Variants in TMEM170B observed in about 807,000 individuals in gnomAD.
The protein encoded by TMEM170B is transmembrane protein 170B.
A neutral mutation model predicts 13.0 loss-of-function variants in TMEM170B; 6 were observed. That is an observed-to-expected ratio of 0.46 (90% CI 0.25 to 0.91). The LOEUF is 0.91. Among genes scored for constraint, TMEM170B ranks in the 40% least tolerant of loss-of-function variants. The pLI, the probability that TMEM170B is intolerant of heterozygous loss-of-function variation, is 0.17. For missense variants in TMEM170B, 138 were observed against 165.2 expected (o/e 0.84, Z 0.90); for synonymous variants, 61 against 64.9 (o/e 0.94, Z 0.29).
Position 11,575,546 on chromosome 6 carries a change from C to G in TMEM170B, c.384C>G (p.Ile128Met), listed in dbSNP as rs1265901116. The change falls in exon 3 of 3, where the codon ATC becomes ATG. Residue 128 changes from isoleucine (I) to methionine (M), a missense_variant. Ile to Met is a conservative substitution (Grantham distance 10). Transcript: ENST00000379426. The surrounding 1 kb of genome is among the most constrained non-coding windows in gnomAD (Gnocchi z 4.1). ...CATTAATCATCTCCTTTTCAAGGAT[C>G]CTCGCTACACTTTGAGGTTTCTGTG... ...VLTLIISFSR[I>M]LATL 1 of 1,613,036 alleles carries G rather than the reference C, an allele frequency of 6.2e-7. No homozygotes were observed. Among genetic ancestry groups the G allele is most frequent in the African/African-American group, 1.3e-5 (1 of 74,956 alleles).
Position 11,580,500 on chromosome 6 carries a change from G to T in TMEM170B, c.*4939G>T, listed in dbSNP as rs1019656674. The T allele has an allele frequency of 6.6e-6, 1 of 152,116 alleles. No homozygotes were observed. Among genetic ancestry groups the T allele is most frequent in the African/African-American group, 2.4e-5 (1 of 41,412 alleles). The allele number at this position is 152,116 out of a possible 1,614,324, so 9.4% of individuals were successfully genotyped here. On this transcript the variant is annotated 3_prime_UTR_variant, in exon 3 of 3. Coordinates refer to ENST00000379426, the MANE Select transcript of TMEM170B (RefSeq NM_001100829.3). Reference sequence around the variant, plus strand: ...TTTGTTTTTAAGATGTGAGGGACGAGGAAAATTACTGAAGAAATTCTAGCA... The same window carrying T: ...TTTGTTTTTAAGATGTGAGGGACGATGAAAATTACTGAAGAAATTCTAGCA...
intron 1 of TMEM170B, among the ~76,000 whole-genome samples, chr6:11,540,950 A>C (rs1759351607): frequency 6.6e-6 from 1 of 152,228 alleles, no homozygotes; most frequent in Admixed American, 6.5e-5. Flanking sequence ...TCATTGAAGA[A>C]AATACTCATT....
chr6:11,568,090 G>A (rs1214206441), intron 2 of TMEM170B, among the ~76,000 whole-genome samples: 2 of 152,104 alleles, frequency 1.3e-5, no homozygotes, highest in African/African-American at 2.4e-5. Context: ...TTGATGGATA[G>A]GAGTGAGAGA....
intron 1 of TMEM170B, among the ~76,000 whole-genome samples, chr6:11,546,009 C>CT (rs1489455076): frequency 1.3e-5 from 1 of 75,486 alleles, no homozygotes; most frequent in Non-Finnish European, 2.7e-5. Context: ...GAGACTCCGT[C>CT]TTTAAAAAAA....
chr6:11,553,460 T>C (rs1490000385), intron 1 of TMEM170B, among the ~76,000 whole-genome samples: 2 of 152,222 alleles, frequency 1.3e-5, no homozygotes, highest in African/African-American at 4.8e-5. Flanking sequence ...TAAATTTTTT[T>C]CTAAAAATAA....
At chr6:11,539,220 T>A (rs1759327120) in intron 1 of TMEM170B, among the ~76,000 whole-genome samples, 2 of 152,204 alleles carry the variant, frequency 1.3e-5, no homozygotes, top group Non-Finnish European at 2.9e-5. Flanking sequence ...AATTTAAAAA[T>A]TATTCTCTGA....
chr6:11,539,711 C>A (rs1759334871), intron 1 of TMEM170B, among the ~76,000 whole-genome samples: 1 of 152,134 alleles, frequency 6.6e-6, no homozygotes, highest in East Asian at 1.9e-4. Flanking sequence ...GACATAAAGA[C>A]CATCTCATGA....
Position 11,546,306 on chromosome 6 carries a change from A to G in TMEM170B, c.97+7932A>G, listed in dbSNP as rs971083059. Among the ~76,000 whole-genome samples, 6 of 152,110 alleles carry G rather than the reference A, an allele frequency of 3.9e-5. 1 individual carries two copies. Among genetic ancestry groups the G allele is most frequent in the East Asian group, 1.9e-4 (1 of 5,198 alleles). On this transcript the variant is annotated intron_variant, in intron 1 of 2. Transcript: ENST00000379426. ...AAATTAAGAATATAAAGTATTTTTCATACAGCTGTACAATGTATTTGTGTT... is the reference window on the plus strand; with the variant it reads ...AAATTAAGAATATAAAGTATTTTTCGTACAGCTGTACAATGTATTTGTGTT...
At chr6:11,551,081 A>G (rs2113767298) in intron 1 of TMEM170B, among the ~76,000 whole-genome samples, 1 of 152,286 alleles carries the variant, frequency 6.6e-6, no homozygotes, top group South Asian at 2.1e-4. Flanking sequence ...GCTGTCAGCC[A>G]GGACTACTGC....
At position 11,579,096 on chromosome 6, in the gene TMEM170B, G is replaced by A. The variant is rs1382993391; in HGVS notation, c.*3535G>A. 1 of 152,110 alleles carries A rather than the reference G, an allele frequency of 6.6e-6. No individual in the cohort carries two copies. The highest frequency in any genetic ancestry group is 1.5e-5 in the Non-Finnish European group (1 of 68,016). 9.4% of individuals were successfully genotyped at this position (152,110 alleles called of 1,614,324 possible). ...GATTTTTAAATCCTAAAAAGTTTGG[G>A]ACAACATTTTGCTTCCTGATTTTAG... On this transcript the variant is annotated 3_prime_UTR_variant, in exon 3 of 3. Coordinates refer to ENST00000379426, the MANE Select transcript of TMEM170B (RefSeq NM_001100829.3).
chr6:11,557,680 C>T (rs1261061724), intron 1 of TMEM170B, among the ~76,000 whole-genome samples: 1 of 152,134 alleles, frequency 6.6e-6, no homozygotes, highest in Non-Finnish European at 1.5e-5. Flanking sequence ...ATGGACTAAA[C>T]GTACTTTTTT....
intron 1 of TMEM170B, among the ~76,000 whole-genome samples, chr6:11,545,773 C>T (rs565139546): frequency 2.6e-5 from 4 of 151,448 alleles, no homozygotes; most frequent in East Asian, 1.9e-4. Flanking sequence ...TTTGGGAGGC[C>T]GAGGCAGGTG....
In TMEM170B at chr6:11,581,597, A is replaced by G. The variant is rs952756122; in HGVS notation, c.*6036A>G. The G allele has an allele frequency of 6.6e-6, 1 of 152,246 alleles. No individual in the cohort carries two copies. Among genetic ancestry groups the G allele is most frequent in the African/African-American group, 2.4e-5 (1 of 41,466 alleles). The allele number at this position is 152,246 out of a possible 1,614,324, so 9.4% of individuals were successfully genotyped here. A position where few individuals can be genotyped will look rare whatever the true frequency, so the allele number is the denominator to read the frequency against. ...AAAGAGGAATTGCGGTGCATAATCAATCGTCTGAGTCCCATAACTGTAACA... is the reference window on the plus strand; with the variant it reads ...AAAGAGGAATTGCGGTGCATAATCAGTCGTCTGAGTCCCATAACTGTAACA... On this transcript the variant is annotated 3_prime_UTR_variant, in exon 3 of 3. Coordinates refer to ENST00000379426, the MANE Select transcript of TMEM170B (RefSeq NM_001100829.3).
chr6:11,546,752 T>C (rs941256705), intron 1 of TMEM170B, among the ~76,000 whole-genome samples: 8 of 152,244 alleles, frequency 5.3e-5, no homozygotes, highest in African/African-American at 1.9e-4. Context: ...ATAGCCTAAA[T>C]GGAATATATG....
At position 11,582,004 on chromosome 6, in the gene TMEM170B, CA is replaced by C. The variant is rs566161910; in HGVS notation, c.*6444del. ...GAAAGATTTGGCCCTCTCACCAATACACACATTCAGACTTGAGCTGCACGCA... is the reference window on the plus strand; with the variant it reads ...GAAAGATTTGGCCCTCTCACCAATACCACATTCAGACTTGAGCTGCACGCA... On this transcript the variant is annotated 3_prime_UTR_variant, in exon 3 of 3. Coordinates refer to ENST00000379426, the MANE Select transcript of TMEM170B (RefSeq NM_001100829.3). The C allele has an allele frequency of 1.8e-4, 27 of 152,242 alleles. No individual in the cohort carries two copies. Among genetic ancestry groups the C allele is most frequent in the Non-Finnish European group, 2.5e-4 (17 of 67,992 alleles). The allele number at this position is 152,242 out of a possible 1,614,324, so 9.4% of individuals were successfully genotyped here.
intron 1 of TMEM170B, among the ~76,000 whole-genome samples, chr6:11,545,630 A>G (rs1473318066): frequency 4.6e-5 from 7 of 152,064 alleles, no homozygotes; most frequent in Non-Finnish European, 8.8e-5. Context: ...AGTAGAGCAT[A>G]TATAGTTATG....
At chr6:11,547,922 G>A (rs771547439) in intron 1 of TMEM170B, among the ~76,000 whole-genome samples, 1 of 152,108 alleles carries the variant, frequency 6.6e-6, no homozygotes, top group Non-Finnish European at 1.5e-5. Context: ...TGAAAGGAAG[G>A]TCTAAGAAAG....
chr6:11,563,265 G>A (rs112010626), intron 1 of TMEM170B, among the ~76,000 whole-genome samples: 3 of 152,244 alleles, frequency 2.0e-5, no homozygotes, highest in African/African-American at 7.2e-5. Context: ...GAACCTGGGA[G>A]GTGGAGGTTG....
Position 11,552,292 on chromosome 6 carries a change from A to G in TMEM170B, c.98-13374A>G, listed in dbSNP as rs115476233. ...ATGACTCACTTATTTCCAAGAGCATATGATAACCCAGATTTTTTTTAAAGT... is the reference window on the plus strand; with the variant it reads ...ATGACTCACTTATTTCCAAGAGCATGTGATAACCCAGATTTTTTTTAAAGT... On this transcript the variant is annotated intron_variant, in intron 1 of 2. Transcript: ENST00000379426. Among the ~76,000 whole-genome samples the G allele has an allele frequency of 4.7e-3, 712 of 152,374 alleles. 7 individuals are homozygous for G. Among genetic ancestry groups the G allele is most frequent in the African/African-American group, 0.016 (682 of 41,588 alleles).
Sources: gnomAD v4.1 joint callset for allele counts (sites outside exome capture counted in the v4.1 genomes callset) on GRCh38, gnomAD v4.1.1 for gene constraint, Gnocchi (gnomAD v3.1) non-coding constraint, MANE v1.5 for transcripts, NCBI Gene and HGNC (gene_info 2026-07-23, HGNC 2026-07-21) for gene names.